Variants in LYPLAL1 observed in about 807,000 individuals in gnomAD.
LYPLAL1 encodes lysophospholipase like 1, also known as lysophospholipase-like protein 1.
A neutral mutation model predicts 19.7 loss-of-function variants in LYPLAL1; 23 were observed. That is an observed-to-expected ratio of 1.17 (90% CI 0.84 to 1.65). The LOEUF is 1.65. Among genes scored for constraint, LYPLAL1 ranks in the 40% most tolerant of loss-of-function variants. The pLI, the probability that LYPLAL1 is intolerant of heterozygous loss-of-function variation, is 0.00. For missense variants in LYPLAL1, 355 were observed against 279.4 expected, an observed-to-expected ratio of 1.27 and a Z score of -1.93; for synonymous variants, 119 against 96.3, an observed-to-expected ratio of 1.24 and a Z score of -1.38.
At chr1:219,441,971 A>G in the LYPLAL1 span, among the ~76,000 whole-genome samples, 4 of 152,180 alleles carry the variant, frequency 2.6e-5, no homozygotes, top group Non-Finnish European at 4.4e-5. Flanking sequence ...AATACAGAAA[A>G]TAATTCAGAA....
chr1:219,255,954 C>A, the LYPLAL1 span, among the ~76,000 whole-genome samples: 1 of 151,596 alleles, frequency 6.6e-6, no homozygotes, highest in Non-Finnish European at 1.5e-5. Flanking sequence ...TTCTTTTATG[C>A]ATTACTAGAT....
the LYPLAL1 span, among the ~76,000 whole-genome samples, chr1:219,405,717 G>A: frequency 4.6e-5 from 7 of 152,178 alleles, no homozygotes; most frequent in Non-Finnish European, 8.8e-5. Context: ...CTACCAGAGC[G>A]CAGAGGAAAT....
chr1:219,350,012 C>G, the LYPLAL1 span, among the ~76,000 whole-genome samples: 2 of 152,204 alleles, frequency 1.3e-5, no homozygotes, highest in African/African-American at 4.8e-5. Context: ...TCACTGCAAA[C>G]TGCTGAGATT....
In LYPLAL1 at chr1:219,211,881, C is replaced by T. The variant is rs1659073376; in HGVS notation, c.*153C>T. 1.9e-5 allele frequency: 9 copies of T among 469,892 alleles called. No homozygotes were observed. The East Asian group carries it at 2.9e-4, about 15-fold the overall frequency. The allele number at this position is 469,892 out of a possible 1,614,324, so 29.1% of individuals were successfully genotyped here. On this transcript the variant is annotated 3_prime_UTR_variant, in exon 5 of 5. Transcript: ENST00000366928. ...CTTATCACTGTAGACAGTAGCTAAT[C>T]TTATTAATGAAAAACAATAGACAAA...
intron 3 of LYPLAL1, chr1:219,199,848 T>C (rs1657944437): frequency 4.9e-6 from 1 of 203,232 alleles, no homozygotes; most frequent in Non-Finnish European, 1.1e-5. Flanking sequence ...TATTATTGCC[T>C]TCAAGTGTCC....
At chr1:219,377,483 G>A in the LYPLAL1 span, among the ~76,000 whole-genome samples, 1 of 152,100 alleles carries the variant, frequency 6.6e-6, no homozygotes, top group African/African-American at 2.4e-5. Context: ...TTGTTAAAAT[G>A]GTCAATTTTA....
the LYPLAL1 span, among the ~76,000 whole-genome samples, chr1:219,329,585 T>C: frequency 6.6e-6 from 1 of 152,202 alleles, no homozygotes; most frequent in Non-Finnish European, 1.5e-5. Context: ...CGTGTCTATT[T>C]TGTCTTTTTA....
At chr1:219,240,642 T>C in the LYPLAL1 span, among the ~76,000 whole-genome samples, 1 of 152,200 alleles carries the variant, frequency 6.6e-6, no homozygotes, top group Non-Finnish European at 1.5e-5. Context: ...TTCCCCAAAA[T>C]GAATACTTTA....
chr1:219,298,131 G>C, the LYPLAL1 span, among the ~76,000 whole-genome samples: 47 of 152,026 alleles, frequency 3.1e-4, no homozygotes, highest in Non-Finnish European at 5.3e-4. Flanking sequence ...GTAACATGGC[G>C]AAACCTCATC....
chr1:219,362,872 A>T, the LYPLAL1 span, among the ~76,000 whole-genome samples: 1 of 152,060 alleles, frequency 6.6e-6, no homozygotes, highest in Admixed American at 6.6e-5. Context: ...CAAACACTAG[A>T]CTCAGGAAAA....
intron 3 of LYPLAL1, among the ~76,000 whole-genome samples, chr1:219,205,589 A>G (rs569146774): frequency 1.3e-5 from 2 of 152,164 alleles, no homozygotes; most frequent in Admixed American, 6.5e-5. Context: ...TGTACAAGAA[A>G]CTTTTGTACA....
At chr1:219,206,523 T>C (rs1462960265) in intron 3 of LYPLAL1, among the ~76,000 whole-genome samples, 1 of 152,076 alleles carries the variant, frequency 6.6e-6, no homozygotes, top group African/African-American at 2.4e-5. Flanking sequence ...CAAAGACGGC[T>C]AGTGAGGAGT....
chr1:219,437,635 A>G, the LYPLAL1 span, among the ~76,000 whole-genome samples: 1 of 152,128 alleles, frequency 6.6e-6, no homozygotes, highest in Non-Finnish European at 1.5e-5. Context: ...TATATATTTT[A>G]TCTTGCCCCC....
the LYPLAL1 span, among the ~76,000 whole-genome samples, chr1:219,336,058 G>A: frequency 6.6e-6 from 1 of 150,964 alleles, no homozygotes; most frequent in Non-Finnish European, 1.5e-5. Flanking sequence ...TGGTCACCTA[G>A]AGAACATTTT....
chr1:219,199,469 C>T (rs1341003131), intron 3 of LYPLAL1, among the ~76,000 whole-genome samples: 2 of 151,198 alleles, frequency 1.3e-5, no homozygotes, highest in African/African-American at 2.4e-5. Flanking sequence ...GACAGAGTCT[C>T]GCTCTGTGGC....
chr1:219,305,177 G>GA, the LYPLAL1 span, among the ~76,000 whole-genome samples: 1 of 152,142 alleles, frequency 6.6e-6, no homozygotes, highest in African/African-American at 2.4e-5. Context: ...GTGTGGAGAT[G>GA]AAAGGTACAA....
the LYPLAL1 span, among the ~76,000 whole-genome samples, chr1:219,274,673 C>T: frequency 3.7e-4 from 57 of 152,236 alleles, no homozygotes; most frequent in Admixed American, 1.5e-3. Flanking sequence ...CATGAGCCAC[C>T]GCCCCCGGCC....
At chr1:219,319,022 CT>C in the LYPLAL1 span, among the ~76,000 whole-genome samples, 2 of 152,008 alleles carry the variant, frequency 1.3e-5, no homozygotes, top group African/African-American at 2.4e-5. Context: ...TCGCAGTTAT[CT>C]TTTTTTTCAG....
At chr1:219,353,918 A>C in the LYPLAL1 span, among the ~76,000 whole-genome samples, 1 of 152,196 alleles carries the variant, frequency 6.6e-6, no homozygotes, top group African/African-American at 2.4e-5. Context: ...TAATAAAGAG[A>C]CATGGAAATT....
Sources: allele counts gnomAD v4.1 joint callset (sites outside exome capture counted in the v4.1 genomes callset), GRCh38; gene constraint gnomAD v4.1.1; transcripts MANE v1.5; gene names NCBI Gene and HGNC (gene_info 2026-07-23, HGNC 2026-07-21).